Variants in CADPS2 observed in about 807,000 individuals in gnomAD.
CADPS2 encodes the protein calcium-dependent secretion activator 2.
A neutral mutation model predicts 172.5 loss-of-function variants in CADPS2; 93 were observed. The ratio of observed to expected loss-of-function variants is 0.54; its 90% CI spans 0.46 to 0.64. CADPS2 has a LOEUF of 0.64. Among genes scored for constraint, CADPS2 ranks in the 30% least tolerant of loss-of-function variants. CADPS2 has a pLI of 0.00. For synonymous variants in CADPS2, 546 were observed against 555.2 expected (o/e 0.98, Z 0.23); for missense variants, 1,420 against 1,565.9 (o/e 0.91, Z 1.57).
chr7:122,673,904 C>T (rs936280327), intron 2 of CADPS2, among the ~76,000 whole-genome samples: 2 of 30,042 alleles, frequency 6.7e-5, no homozygotes, highest in African/African-American at 2.7e-4. Flanking sequence ...TGGGAGCCCA[C>T]GGCGGGGGGT....
intron 2 of CADPS2, among the ~76,000 whole-genome samples, chr7:122,721,932 G>A (rs1260117020): frequency 2.0e-5 from 3 of 151,988 alleles, no homozygotes; most frequent in African/African-American, 7.3e-5. Context: ...CAGAACCAAA[G>A]ACAAAAAACA....
Position 122,399,660 on chromosome 7 carries a change from C to CTTTTTTTTT in CADPS2, c.2747-6087_2747-6079dup, listed in dbSNP as rs1008163151. Among the ~76,000 whole-genome samples, 46 of 51,226 alleles carry CTTTTTTTTT rather than the reference C, an allele frequency of 9.0e-4. 7 individuals carry two copies. The highest frequency in any genetic ancestry group is 2.0e-3 in the East Asian group (3 of 1,478). The allele number at this position is 51,226 out of a possible 152,430, so 33.6% of individuals were successfully genotyped here. On this transcript the variant is annotated intron_variant, in intron 20 of 29. Transcript: ENST00000449022. Reference sequence around the variant, plus strand: ...CGATAACTCTCTCAAGGGTGGGTTTCTTTTTTTTTTTTTTTTTTTTTTTTT... The same window carrying CTTTTTTTTT: ...CGATAACTCTCTCAAGGGTGGGTTTCTTTTTTTTTTTTTTTTTTTTTTTTTTTTTTTTTT...
intron 1 of CADPS2, among the ~76,000 whole-genome samples, chr7:122,861,234 T>C (rs1816873672): frequency 6.6e-6 from 1 of 152,160 alleles, no homozygotes; most frequent in African/African-American, 2.4e-5. Context: ...TGTTTAAGAG[T>C]TCACCTTTCC....
chr7:122,770,040 A>T (rs2093661534), intron 1 of CADPS2, among the ~76,000 whole-genome samples: 1 of 152,230 alleles, frequency 6.6e-6, no homozygotes, highest in African/African-American at 2.4e-5. Flanking sequence ...TGTTTTACAA[A>T]TAGGGAGCCT....
intron 2 of CADPS2, among the ~76,000 whole-genome samples, chr7:122,671,728 G>A (rs1447967725): frequency 6.6e-6 from 1 of 152,222 alleles, no homozygotes. Context: ...GTACGGAGAT[G>A]TAATTTGATA....
intron 1 of CADPS2, among the ~76,000 whole-genome samples, chr7:122,839,807 T>C (rs1330788145): frequency 2.0e-5 from 3 of 152,120 alleles, no homozygotes; most frequent in Non-Finnish European, 4.4e-5. Flanking sequence ...TGTGGAGAAA[T>C]AGGAACACTT....
At chr7:122,383,575 T>C (rs2043269698) in intron 24 of CADPS2, among the ~76,000 whole-genome samples, 1 of 152,120 alleles carries the variant, frequency 6.6e-6, no homozygotes, top group Non-Finnish European at 1.5e-5. Context: ...AAAGGCAAAC[T>C]GTGCCTGCTT....
intron 17 of CADPS2, among the ~76,000 whole-genome samples, chr7:122,420,466 A>G (rs1161975215): frequency 6.6e-6 from 1 of 152,230 alleles, no homozygotes; most frequent in Non-Finnish European, 1.5e-5. Flanking sequence ...ATGCATTTTT[A>G]TCAAGTACTC....
At chr7:122,658,542 A>G (rs2080105077) in intron 3 of CADPS2, among the ~76,000 whole-genome samples, 1 of 152,210 alleles carries the variant, frequency 6.6e-6, no homozygotes, top group South Asian at 2.1e-4. Flanking sequence ...CACCATGGAA[A>G]TACTATGCAG....
intron 1 of CADPS2, among the ~76,000 whole-genome samples, chr7:122,794,900 C>G (rs747902116): frequency 9.9e-5 from 15 of 151,846 alleles, no homozygotes; most frequent in Non-Finnish European, 2.2e-4. Flanking sequence ...AGGGACATAT[C>G]AAGAAGTTCT....
chr7:122,704,121 G>GA (rs901632339), intron 2 of CADPS2, among the ~76,000 whole-genome samples: 3 of 152,062 alleles, frequency 2.0e-5, no homozygotes, highest in East Asian at 3.9e-4. Context: ...TTCCTAGTGT[G>GA]AAAAATGGAC....
chr7:122,730,412 C>A (rs2091529178), intron 2 of CADPS2, among the ~76,000 whole-genome samples: 1 of 151,710 alleles, frequency 6.6e-6, no homozygotes, highest in African/African-American at 2.4e-5. Flanking sequence ...GTGCTCATCA[C>A]CTATCACCCA....
At chr7:122,754,151 G>T (rs1562940146) in intron 1 of CADPS2, among the ~76,000 whole-genome samples, 1 of 152,042 alleles carries the variant, frequency 6.6e-6, no homozygotes, top group Non-Finnish European at 1.5e-5. Flanking sequence ...AATGTATTTA[G>T]TTTTCATTGC....
At position 122,451,141 on chromosome 7, in the gene CADPS2, G is replaced by A. The variant is rs570709753; in HGVS notation, c.2288+233C>T. On this transcript the variant is annotated intron_variant, in intron 15 of 29. Coordinates refer to ENST00000449022, the MANE Select transcript of CADPS2 (RefSeq NM_017954.11). ...GAAATGCAAAAGGCAAGTAAGAGGTGCAGTGGAACGGATATTGTAGGGGGA... is the reference window on the plus strand; with the variant it reads ...GAAATGCAAAAGGCAAGTAAGAGGTACAGTGGAACGGATATTGTAGGGGGA... Among the ~76,000 whole-genome samples the A allele has an allele frequency of 4.5e-4, 68 of 152,168 alleles. No individual in the cohort carries two copies. In the South Asian group the frequency reaches 0.013, roughly 29 times the overall value.
At chr7:122,761,034 G>A (rs541178095) in intron 1 of CADPS2, among the ~76,000 whole-genome samples, 4 of 152,214 alleles carry the variant, frequency 2.6e-5, no homozygotes, top group African/African-American at 9.6e-5. Flanking sequence ...GTAAAAGCAG[G>A]GGTGGGAGGT....
At chr7:122,606,472 T>C (rs1410509420) in intron 6 of CADPS2, among the ~76,000 whole-genome samples, 1 of 152,110 alleles carries the variant, frequency 6.6e-6, no homozygotes, top group Non-Finnish European at 1.5e-5. Context: ...GGTCTGGAAG[T>C]GACCATGGAA....
chr7:122,702,797 A>C, intron 2 of CADPS2: 5 of 1,353,406 alleles, frequency 3.7e-6, no homozygotes, highest in Non-Finnish European at 5.0e-6. Flanking sequence ...ACAAAACAAC[A>C]TCAGTTGTAG....
At chr7:122,389,807 A>G (rs1330617539) in intron 22 of CADPS2, among the ~76,000 whole-genome samples, 2 of 152,142 alleles carry the variant, frequency 1.3e-5, no homozygotes, top group Non-Finnish European at 2.9e-5. Flanking sequence ...AATTAAAGAA[A>G]TAAACTCATT....
intron 1 of CADPS2, among the ~76,000 whole-genome samples, chr7:122,880,404 G>A (rs1043861464): frequency 3.3e-5 from 5 of 152,006 alleles, no homozygotes; most frequent in Admixed American, 1.3e-4. Context: ...CCACTGTATC[G>A]ACTGCACAAA....
Sources: gnomAD v4.1 joint callset for allele counts (sites outside exome capture counted in the v4.1 genomes callset) on GRCh38, gnomAD v4.1.1 for gene constraint, MANE v1.5 for transcripts, NCBI Gene and HGNC (gene_info 2026-07-23, HGNC 2026-07-21) for gene names.